Variants in BDP1 observed in about 807,000 individuals in gnomAD.
BDP1 encodes transcription factor TFIIIB component B'' homolog.
A neutral mutation model predicts 266.6 loss-of-function variants in BDP1; 169 were observed. The ratio of observed to expected loss-of-function variants is 0.63; its 90% CI spans 0.56 to 0.72. The LOEUF is 0.72. Ranked by LOEUF, BDP1 falls within the 30% of genes least tolerant of loss-of-function variation. The pLI is 0.00. For synonymous variants in BDP1, 1,090 were observed against 1,022.4 expected, an observed-to-expected ratio of 1.07 and a Z score of -1.26; for missense variants, 3,015 against 3,053.8, an observed-to-expected ratio of 0.99 and a Z score of 0.30.
chr5:71,511,321 G>A, intron 17 of BDP1, 170 bp downstream of exon 17: 1 of 661,220 alleles, frequency 1.5e-6, no homozygotes, highest in Non-Finnish European at 2.5e-6. Context: ...GAAACTGTAT[G>A]TTCTTTTTTA....
At chr5:71,571,673 T>C (rs1744268380), downstream of BDP1, among the ~76,000 whole-genome samples, 1 of 152,152 alleles carries the variant, frequency 6.6e-6, no homozygotes, top group Admixed American at 6.6e-5. Context: ...TTGCTCTTGT[T>C]GCCCAGGCTG....
rs200175536 is a variant in BDP1, at chr5:71,502,661, T to G, written c.2111T>G (p.Val704Gly). Residue 704 changes from valine to glycine, a missense_variant, in exon 15 of 39, where the codon GTG (valine) becomes GGG (glycine). Coordinates refer to ENST00000358731, the MANE Select transcript of BDP1 (RefSeq NM_018429.3). ...CTAAAGGCTTTAAGACCTGTACAAG[T>G]GAGGGGCCGATTGCAAAAGCCAAAG... ...SQLKALRPVQ[V>G]RGRLQKPKPN... The G allele has an allele frequency of 6.2e-7, 1 of 1,613,932 alleles. No homozygotes were observed. The highest frequency in any genetic ancestry group is 1.1e-5 in the South Asian group (1 of 91,068).
chr5:71,575,245 C>A, the BDP1 span, among the ~76,000 whole-genome samples: 917 of 152,276 alleles, frequency 6.0e-3, 8 homozygotes, highest in Non-Finnish European at 9.8e-3. Context: ...AAACCCTAAT[C>A]CAATATCAAT....
At chr5:71,548,037 C>T (rs976665667) in intron 32 of BDP1, among the ~76,000 whole-genome samples, 8 of 152,118 alleles carry the variant, frequency 5.3e-5, no homozygotes, top group Admixed American at 1.3e-4. Context: ...AATCCCAGCA[C>T]TTTGGGAGGC....
chr5:71,546,641 A>AAG (rs2084426669), intron 32 of BDP1, among the ~76,000 whole-genome samples: 1 of 150,800 alleles, frequency 6.6e-6, no homozygotes, highest in Admixed American at 6.6e-5. Flanking sequence ...AAAAAAAAAA[A>AAG]AAAACCAAAA....
intron 7 of BDP1, among the ~76,000 whole-genome samples, chr5:71,477,729 T>C (rs1251425150): frequency 2.6e-5 from 4 of 151,898 alleles, no homozygotes; most frequent in Non-Finnish European, 4.4e-5. Flanking sequence ...CAAGTAATCC[T>C]TCCATCTCAG....
intron 21 of BDP1, among the ~76,000 whole-genome samples, chr5:71,516,811 A>G (rs1765247090): frequency 1.3e-5 from 2 of 152,128 alleles, no homozygotes; most frequent in Non-Finnish European, 2.9e-5. Flanking sequence ...AAAAATGTTC[A>G]TTTTAGGTAG....
At chr5:71,558,453 C>T (rs797021050) in intron 36 of BDP1, among the ~76,000 whole-genome samples, 12 of 151,964 alleles carry the variant, frequency 7.9e-5, no homozygotes, top group Admixed American at 2.6e-4. Flanking sequence ...ACCTGGGAGA[C>T]GGAGGTTGCA....
chr5:71,532,464 C>T (rs182008382), intron 26 of BDP1, 37 bp downstream of exon 26: 1 of 1,592,152 alleles, frequency 6.3e-7, no homozygotes, highest in Admixed American at 1.7e-5. Flanking sequence ...GCCTTTTATT[C>T]TTTGTTTACT....
chr5:71,560,569 A>T (rs1007837377), intron 37 of BDP1, among the ~76,000 whole-genome samples: 1 of 152,222 alleles, frequency 6.6e-6, no homozygotes. Flanking sequence ...GGATGCTGAC[A>T]TCAGAAGTTG....
intron 8 of BDP1, among the ~76,000 whole-genome samples, chr5:71,484,462 G>A (rs1279019411): frequency 6.6e-6 from 1 of 151,980 alleles, no homozygotes; most frequent in East Asian, 1.9e-4. Context: ...AAAAAGAGAG[G>A]GTGGATGTTT....
At chr5:71,572,036 G>C (rs1021212958), downstream of BDP1, among the ~76,000 whole-genome samples, 2 of 152,186 alleles carry the variant, frequency 1.3e-5, no homozygotes, top group African/African-American at 4.8e-5. Flanking sequence ...AAAGTTTGCT[G>C]AGGGCCATCG....
At chr5:71,549,721 TTATC>T in intron 34 of BDP1, 115 bp downstream of exon 34, 3 of 811,092 alleles carry the variant, frequency 3.7e-6, no homozygotes, top group Non-Finnish European at 5.3e-6. Flanking sequence ...GAGATCTTAT[TTATC>T]ATTTATGTGG....
rs750752002 is a variant in BDP1 at position 71,522,416 on chromosome 5, G to C, written c.5119G>C (p.Asp1707His). The C allele has an allele frequency of 2.5e-6, 4 of 1,613,202 alleles. No homozygotes were observed. The South Asian group carries it at 3.3e-5, about 13-fold the overall frequency. The change falls in exon 23 of 39, where the codon GAT becomes CAT. Residue 1707 changes from aspartate (D) to histidine (H), a missense_variant. Physicochemically the swap from Asp to His is moderately conservative, Grantham distance 81 (BLOSUM62 -1). Transcript: ENST00000358731. ...EEPVLEKVTT[D>H]QSKEGKPEDH... ...ACCAGTTTTAGAAAAAGTCACAACA[G>C]ATCAGAGCAAGGAAGGCAAGCCAGA...
At chr5:71,515,726 A>G (rs888140969) in intron 20 of BDP1, among the ~76,000 whole-genome samples, 3 of 152,086 alleles carry the variant, frequency 2.0e-5, no homozygotes, top group South Asian at 2.1e-4. Flanking sequence ...ACCACCATTC[A>G]TCTCTAGACT....
chr5:71,499,356 C>T (rs945488821), intron 13 of BDP1, among the ~76,000 whole-genome samples: 1 of 152,224 alleles, frequency 6.6e-6, no homozygotes, highest in African/African-American at 2.4e-5. Flanking sequence ...GTGGCACACA[C>T]CTGTAATCCC....
chr5:71,506,493 T>C (rs886384341), intron 16 of BDP1, among the ~76,000 whole-genome samples: 5 of 152,000 alleles, frequency 3.3e-5, no homozygotes, highest in Non-Finnish European at 5.9e-5. Context: ...AAAAATTCTT[T>C]AGGCTGGGCA....
chr5:71,502,473 C>T (rs1033949752), intron 14 of BDP1, 126 bp from the exon 15 acceptor site: 50 of 887,102 alleles, frequency 5.6e-5, no homozygotes, highest in African/African-American at 2.9e-4. Flanking sequence ...TGCGCCCGGG[C>T]GGATTATGTC....
chr5:71,511,259 A>G (rs766158797), intron 17 of BDP1, 108 bp downstream of exon 17: 7 of 1,104,312 alleles, frequency 6.3e-6, no homozygotes, highest in Middle Eastern at 2.2e-4. Flanking sequence ...AAAAATCTCT[A>G]AAAGTCTAAA....
Sources: allele counts gnomAD v4.1 joint callset (sites outside exome capture counted in the v4.1 genomes callset), GRCh38; gene constraint gnomAD v4.1.1; transcripts MANE v1.5; gene names NCBI Gene and HGNC (gene_info 2026-07-23, HGNC 2026-07-21).